Variants in PHF21B observed in about 807,000 individuals in gnomAD.
PHF21B encodes PHD finger protein 4.
A neutral mutation model predicts 62.2 loss-of-function variants in PHF21B; 22 were observed. That is an observed-to-expected ratio of 0.35 (90% CI 0.25 to 0.51). The LOEUF is 0.51. Ranked by LOEUF, PHF21B falls within the 20% of genes least tolerant of loss-of-function variation. PHF21B has a pLI of 0.97. For synonymous variants in PHF21B, 341 were observed against 314.7 expected, an observed-to-expected ratio of 1.08 and a Z score of -0.88; for missense variants, 701 against 707.9, an observed-to-expected ratio of 0.99 and a Z score of 0.11.
intron 2 of PHF21B, among the ~76,000 whole-genome samples, chr22:44,982,569 T>G (rs186250750): frequency 2.0e-5 from 3 of 152,294 alleles, no homozygotes; most frequent in South Asian, 4.1e-4. Flanking sequence ...AACTCCCCCA[T>G]GGGCTCACAT....
At chr22:44,984,624 C>G (rs574087755) in intron 2 of PHF21B, among the ~76,000 whole-genome samples, 1 of 152,310 alleles carries the variant, frequency 6.6e-6, no homozygotes, top group African/African-American at 2.4e-5. Context: ...ACCTGCTCAG[C>G]ATGAGAATGA....
intron 2 of PHF21B, among the ~76,000 whole-genome samples, chr22:44,964,362 A>C (rs894701131): frequency 3.9e-5 from 6 of 151,938 alleles, no homozygotes; most frequent in Non-Finnish European, 7.4e-5. Flanking sequence ...CGCGTGGTGC[A>C]CCCCGGCCCC....
chr22:44,997,966 C>T (rs1312886812), intron 2 of PHF21B, among the ~76,000 whole-genome samples: 1 of 152,232 alleles, frequency 6.6e-6, no homozygotes, highest in Non-Finnish European at 1.5e-5. Context: ...CCACAGCTGG[C>T]CCCTACCCTC....
intron 2 of PHF21B, among the ~76,000 whole-genome samples, chr22:44,980,302 C>G (rs1054894557): frequency 3.3e-5 from 5 of 152,188 alleles, no homozygotes; most frequent in Non-Finnish European, 7.3e-5. Flanking sequence ...TCTCAGGTGT[C>G]TCTATCTACA....
Position 45,009,292 on chromosome 22 carries a change from C to G in PHF21B, c.54+204G>C. 1.7e-6 allele frequency: 1 copy of G among 574,188 alleles called. No homozygotes were observed. The highest frequency in any genetic ancestry group is 2.9e-6 in the Non-Finnish European group (1 of 342,610). The allele number at this position is 574,188 out of a possible 1,614,324, so 35.6% of individuals were successfully genotyped here. On this transcript the variant is annotated intron_variant, in intron 1 of 12. Coordinates refer to ENST00000313237, the MANE Select transcript of PHF21B (RefSeq NM_138415.5). This position sits in a 1 kb window ranked among gnomAD's most constrained non-coding sequence, Gnocchi z 5.9. ...TCCCACGCGTCCTCGATCCCGCAAACTGTGCAGGACAGCGCCAGGGGCAGG... is the reference window on the plus strand; with the variant it reads ...TCCCACGCGTCCTCGATCCCGCAAAGTGTGCAGGACAGCGCCAGGGGCAGG...
chr22:44,986,563 T>C (rs1465254265), intron 2 of PHF21B, among the ~76,000 whole-genome samples: 5 of 143,542 alleles, frequency 3.5e-5, no homozygotes, highest in Non-Finnish European at 1.5e-5. Flanking sequence ...CCAAGCAGGA[T>C]AGCAAAGGCT....
At chr22:44,891,645 A>ACT (rs2070967832) in intron 7 of PHF21B, among the ~76,000 whole-genome samples, 3 of 152,226 alleles carry the variant, frequency 2.0e-5, no homozygotes, top group African/African-American at 7.2e-5. Flanking sequence ...TAGCTCAGGA[A>ACT]GGGCCGTCAG....
intron 6 of PHF21B, among the ~76,000 whole-genome samples, chr22:44,893,990 T>C (rs1486789465): frequency 2.0e-5 from 3 of 152,226 alleles, no homozygotes; most frequent in African/African-American, 7.2e-5. Context: ...CCAGCAGGAA[T>C]CCTTCGCATG....
intron 2 of PHF21B, among the ~76,000 whole-genome samples, chr22:44,979,020 C>A (rs1389908343): frequency 1.3e-5 from 2 of 152,248 alleles, no homozygotes; most frequent in South Asian, 4.1e-4. Flanking sequence ...AATGAAACTG[C>A]ACTTTGGGCT....
intron 2 of PHF21B, among the ~76,000 whole-genome samples, chr22:44,969,450 G>A (rs1471002289): frequency 2.0e-5 from 3 of 152,184 alleles, no homozygotes; most frequent in Non-Finnish European, 4.4e-5. Flanking sequence ...CGGATCACTT[G>A]AGGTCAGGAG....
At chr22:44,916,789 C>A (rs2071443759) in intron 3 of PHF21B, among the ~76,000 whole-genome samples, 159 bp from the exon 4 acceptor site, 1 of 152,200 alleles carries the variant, frequency 6.6e-6, no homozygotes, top group East Asian at 1.9e-4. Context: ...AGACCTCGAC[C>A]CCAATGCCTC....
At chr22:44,954,356 C>A (rs989890678) in intron 2 of PHF21B, among the ~76,000 whole-genome samples, 7 of 152,230 alleles carry the variant, frequency 4.6e-5, no homozygotes, top group Non-Finnish European at 1.0e-4. Context: ...GGCCCTCTCA[C>A]GCTCAGGGAT....
chr22:44,979,694 C>T (rs1044000860), intron 2 of PHF21B, among the ~76,000 whole-genome samples: 4 of 152,224 alleles, frequency 2.6e-5, no homozygotes, highest in African/African-American at 9.6e-5. Context: ...TGCTCAGACA[C>T]TTTAAGCTGT....
chr22:44,906,866 C>T (rs929712765), intron 5 of PHF21B, among the ~76,000 whole-genome samples: 2 of 152,122 alleles, frequency 1.3e-5, no homozygotes, highest in East Asian at 3.8e-4. Flanking sequence ...TGATGGCCAC[C>T]GCCCTGCAGT....
At chr22:44,910,240 C>A (rs2071322066) in intron 5 of PHF21B, among the ~76,000 whole-genome samples, 1 of 152,100 alleles carries the variant, frequency 6.6e-6, no homozygotes, top group Admixed American at 6.5e-5. Flanking sequence ...TGGGGGCCAA[C>A]ATGTCTCAAC....
At chr22:44,905,713 C>T (rs1057119023) in intron 5 of PHF21B, among the ~76,000 whole-genome samples, 1 of 152,166 alleles carries the variant, frequency 6.6e-6, no homozygotes, top group African/African-American at 2.4e-5. Flanking sequence ...ACTGCAAGCT[C>T]CACCTCCCGG....
intron 2 of PHF21B, among the ~76,000 whole-genome samples, chr22:45,004,907 A>G (rs1047842547): frequency 1.1e-4 from 16 of 152,318 alleles, no homozygotes; most frequent in African/African-American, 3.4e-4. Context: ...CAAGGTCCCA[A>G]GCTCACCTCC....
chr22:44,951,066 T>C (rs1569249430), intron 2 of PHF21B, among the ~76,000 whole-genome samples: 3 of 152,110 alleles, frequency 2.0e-5, no homozygotes, highest in Non-Finnish European at 4.4e-5. Flanking sequence ...TCAACTCACT[T>C]GCCACTATAA....
intron 2 of PHF21B, among the ~76,000 whole-genome samples, chr22:44,924,185 CAT>C (rs1447871314): frequency 1.3e-5 from 2 of 152,036 alleles, no homozygotes; most frequent in South Asian, 4.1e-4. Context: ...AATTACTAAA[CAT>C]AATTAGTTAT....
Sources: gnomAD v4.1 joint callset for allele counts (sites outside exome capture counted in the v4.1 genomes callset) on GRCh38, gnomAD v4.1.1 for gene constraint, Gnocchi (gnomAD v3.1) non-coding constraint, MANE v1.5 for transcripts, NCBI Gene and HGNC (gene_info 2026-07-23, HGNC 2026-07-21) for gene names.